The following TTN variants were observed in gnomAD, a reference collection of about 807,000 sequenced individuals.
The protein encoded by TTN is titin.
In TTN, 1,525 loss-of-function variants were observed where a neutral mutation model predicts 3,223.0. That is an observed-to-expected ratio of 0.47 (90% CI 0.45 to 0.49). The LOEUF is 0.49. TTN is among the 20% of genes least tolerant of loss of function. The probability of loss-of-function intolerance (pLI) is 0.00; values close to 1 mark genes in which losing one functional copy is unlikely to be tolerated. For synonymous variants in TTN, 14,094 were observed against 15,161.0 expected (o/e 0.93, Z 5.17); for missense variants, 40,786 against 43,424.0 (o/e 0.94, Z 5.40).
Position 178,732,849 on chromosome 2 carries a change from C to A in TTN, c.16327G>T (p.Ala5443Ser). 1.9e-6 allele frequency: 3 copies of A among 1,611,714 alleles called. No individual in the cohort carries two copies. The South Asian group carries it at 3.3e-5, about 18-fold the overall frequency. Residue 5443 changes from alanine to serine, a missense_variant, in exon 55 of 363, where the codon GCC becomes TCC. Transcript: ENST00000589042. ...NSVGSKDSSG[A>S]LIVQEPPSFV... ...TCCAGCCAACCTTGCACAATCAGGG[C>A]TCCACTGCTGTCTTTGCTTCCCACG...
At chr2:178,725,262 GATAA>G (rs1164824114) in intron 71 of TTN, 102 bp downstream of exon 71, 8 of 1,232,994 alleles carry the variant, frequency 6.5e-6, no homozygotes, top group African/African-American at 3.1e-5. Context: ...AATAGATGAG[GATAA>G]ATATAGTTCT....
At chr2:178,687,917 C>T (rs969158117) in intron 127 of TTN, among the ~76,000 whole-genome samples, 194 bp downstream of exon 127, 1 of 152,124 alleles carries the variant, frequency 6.6e-6, no homozygotes, top group Non-Finnish European at 1.5e-5. Context: ...AAGAAATACA[C>T]TGGATTTCTC....
At chr2:178,610,425 G>A in intron 270 of TTN, 36 bp from the exon 271 acceptor site, 2 of 1,594,340 alleles carry the variant, frequency 1.3e-6, no homozygotes, top group Non-Finnish European at 1.7e-6. Context: ...TAGTAATCCT[G>A]AAAAATCAGC....
rs370080086 is a variant in TTN at position 178,589,044 on chromosome 2, C to G, written c.62681G>C (p.Cys20894Ser). Residue 20894 changes from cysteine to serine, a missense_variant, in exon 304 of 363, where the codon TGT (cysteine) becomes TCT (serine). Transcript: ENST00000589042. ...CWDPPEDDGGCEIQNYILEKC... is the reference protein window; with the variant it reads ...CWDPPEDDGGSEIQNYILEKC... ...TTCTAGAATATAATTTTGGATTTCA[C>G]AGCCACCATCATCTTCTGGTGGATC... 6.2e-7 allele frequency: 1 copy of G among 1,609,318 alleles called. No individual in the cohort carries two copies.
chr2:178,768,574 T>A (rs2154341840), intron 38 of TTN, 99 bp downstream of exon 38: 1 of 1,547,942 alleles, frequency 6.5e-7, no homozygotes, highest in East Asian at 2.3e-5. Flanking sequence ...ATCGTATGGC[T>A]ATCCCACATT....
In TTN at chr2:178,670,240, C is replaced by T; in HGVS notation, c.35364G>A (p.Glu11788=). 6.7e-7 allele frequency: 1 copy of T among 1,492,388 alleles called. No individual in the cohort carries two copies. The highest frequency in any genetic ancestry group is 8.9e-7 in the Non-Finnish European group (1 of 1,126,478). 92.4% of individuals were successfully genotyped at this position (1,492,388 alleles called of 1,614,324 possible). Reference sequence around the variant, plus strand: ...TACCTTTAGTTGGTGGAACTCTGGGCTCTTCAGGAACACGTACTTTTTCTT... The same window carrying T: ...TACCTTTAGTTGGTGGAACTCTGGGTTCTTCAGGAACACGTACTTTTTCTT... ...VVEEKVRVPE[E]PRVPPTKAPE... is the part of the protein sequence containing the mutation. Residue 11788 remains glutamate (E), a synonymous_variant, in exon 157 of 363, where the codon GAG becomes GAA. Transcript: ENST00000589042.
At chr2:178,556,742 T>C in intron 330 of TTN, 106 bp downstream of exon 330, 1 of 1,352,424 alleles carries the variant, frequency 7.4e-7, no homozygotes. Flanking sequence ...AAAAACCCCA[T>C]TAAGGCACAG....
rs2078883928 is a variant in TTN, at chr2:178,723,907, C to T, written c.21352G>A (p.Ala7118Thr). ...SSDMGNYTCV[A>T]ANVAGSDECR... ...TCATCAGACCCAGCGACATTAGCAG[C>T]CACGCATGTGTAATTGCCCATATCT... is the stretch of plus-strand genomic sequence containing the variant. Residue 7118 changes from alanine (A) to threonine (T), a missense_variant, in exon 73 of 363, where the codon GCT becomes ACT. Transcript: ENST00000589042. The T allele has an allele frequency of 6.2e-7, 1 of 1,613,230 alleles. No individual in the cohort carries two copies. The highest frequency in any genetic ancestry group is 8.5e-7 in the Non-Finnish European group (1 of 1,179,476).
intron 147 of TTN, 125 bp downstream of exon 147, chr2:178,677,076 G>T: frequency 2.1e-6 from 1 of 478,952 alleles, no homozygotes; most frequent in Non-Finnish European, 3.1e-6. Flanking sequence ...AACATCGTTA[G>T]AAGTAAATAT....
chr2:178,768,598 CATT>C, intron 38 of TTN, 72 bp downstream of exon 38: 2 of 1,596,444 alleles, frequency 1.3e-6, no homozygotes, highest in Non-Finnish European at 1.7e-6. Flanking sequence ...TTTATCCATT[CATT>C]AATTGATACA....
rs543490348 is a variant in TTN, at chr2:178,704,529, G to A, written c.29943C>T (p.Ser9981=). The change falls in exon 105 of 363, where the codon AGC becomes AGT. Residue 9981 remains serine (S), a synonymous_variant. Coordinates refer to ENST00000589042, the MANE Select transcript of TTN (RefSeq NM_001267550.2). ...YRLVCGPHIA[S]AKLTVIEPAW... ...ACTTACCAATTACAGTTAGTTTAGC[G>A]CTAGCGATGTGTGGACCACAAACCA... 4.0e-5 allele frequency: 65 copies of A among 1,610,428 alleles called. 1 individual carries two copies. In the East Asian group the frequency reaches 9.6e-4, roughly 24 times the overall value.
intron 88 of TTN, 92 bp from the exon 89 acceptor site, chr2:178,715,866 G>A (rs1404027662): frequency 7.7e-7 from 1 of 1,302,542 alleles, no homozygotes; most frequent in South Asian, 1.6e-5. Flanking sequence ...TGCTAGAGAG[G>A]TCTTTAGCTC....
Position 178,720,114 on chromosome 2 carries a change from C to A in TTN, c.23528G>T (p.Arg7843Met). Residue 7843 changes from arginine (R) to methionine (M), a missense_variant, in exon 81 of 363, where the codon AGG becomes ATG. By Grantham distance (91) the Arg-to-Met change is moderately conservative (BLOSUM62 -1). Transcript: ENST00000589042. ...GEVIRESENT[R>M]ISFIDNIATL... ...TGCAATGTTATCAATGAATGAAATCCTGGTATTTTCACTCTCTCTGATGAC... is the reference window on the plus strand; with the variant it reads ...TGCAATGTTATCAATGAATGAAATCATGGTATTTTCACTCTCTCTGATGAC... The A allele has an allele frequency of 6.2e-7, 1 of 1,613,738 alleles. No individual in the cohort carries two copies. Among genetic ancestry groups the A allele is most frequent in the Non-Finnish European group, 8.5e-7 (1 of 1,179,698 alleles).
chr2:178,746,832 T>A, intron 47 of TTN: 1 of 1,613,414 alleles, frequency 6.2e-7, no homozygotes. Context: ...TTCCTTTTGG[T>A]CAGAGGTTCA....
rs749567305 is a variant in TTN at position 178,688,683 on chromosome 2, G to T, written c.32191C>A (p.His10731Asn). Reference protein sequence around the residue: ...AVPQRVEVTRHEVSAEEEWSY... With the variant: ...AVPQRVEVTRNEVSAEEEWSY... ...CTGACTTCCGATTATATACCTTCGT[G>T]CCGCGTGACTTCCACTCTTTGAGGA... is the stretch of plus-strand genomic sequence containing the variant. Residue 10731 changes from histidine to asparagine, a missense_variant, in exon 126 of 363, where the codon CAC becomes AAC. Coordinates refer to ENST00000589042, the MANE Select transcript of TTN (RefSeq NM_001267550.2). 3 of 1,611,024 alleles carry T rather than the reference G, an allele frequency of 1.9e-6. No homozygotes were observed. The highest frequency in any genetic ancestry group is 2.5e-6 in the Non-Finnish European group (3 of 1,177,208).
intron 336 of TTN, chr2:178,550,525 T>A (rs984800310): frequency 2.1e-6 from 1 of 479,700 alleles, no homozygotes; most frequent in Admixed American, 3.8e-5. Flanking sequence ...AAAAGGAAAG[T>A]GAAACATTTA....
Position 178,568,591 on chromosome 2 carries a change from G to C in TTN, c.77541C>G (p.Thr25847=), listed in dbSNP as rs556181023. The change falls in exon 326 of 363, where the codon ACC becomes ACG. Residue 25847 remains threonine (T), a synonymous_variant. Transcript: ENST00000589042. ...TGAGTGTGGTGAGATCCAGTGAATCGGTAACATTGATTCTTGTGGTCTGCT... is the reference window on the plus strand; with the variant it reads ...TGAGTGTGGTGAGATCCAGTGAATCCGTAACATTGATTCTTGTGGTCTGCT... ...PLKQTTRINV[T]DSLDLTTLSI... 1 of 1,613,242 alleles carries C rather than the reference G, an allele frequency of 6.2e-7. No individual in the cohort carries two copies. The highest frequency in any genetic ancestry group is 1.3e-5 in the African/African-American group (1 of 74,832).
chr2:178,725,566 C>A lies in TTN; in HGVS notation c.20638G>T (p.Ala6880Ser). ...PAELQASIEG[A>S]QPIFVQWLKE... ...AGCCACTGGACAAAAATAGGCTGGG[C>A]GCCTTCTATGGATGCTTGTAATTCA... The change falls in exon 71 of 363, where the codon GCC becomes TCC. Residue 6880 changes from alanine (A) to serine (S), a missense_variant. By Grantham distance (99) the Ala-to-Ser change is moderately conservative (BLOSUM62 1). Coordinates refer to ENST00000589042, the MANE Select transcript of TTN (RefSeq NM_001267550.2). The A allele has an allele frequency of 6.2e-7, 1 of 1,612,846 alleles. No homozygotes were observed. Among genetic ancestry groups the A allele is most frequent in the Non-Finnish European group, 8.5e-7 (1 of 1,179,294 alleles).
chr2:178,587,717 C>T lies in TTN; in HGVS notation c.63592G>A (p.Val21198Met). Residue 21198 changes from valine (V) to methionine (M), a missense_variant, in exon 306 of 363, where the codon GTG (valine) becomes ATG (methionine). Val to Met is a conservative substitution (Grantham distance 21). Coordinates refer to ENST00000589042, the MANE Select transcript of TTN (RefSeq NM_001267550.2). ...AGCPIRLFAI[V>M]RGRPAPKVTW... ...ACTTTAGGGGCTGGTCGTCCTCTCA[C>T]TATAGCAAAGAGACGAATAGGGCAT... 1 of 1,612,900 alleles carries T rather than the reference C, an allele frequency of 6.2e-7. No homozygotes were observed. The highest frequency in any genetic ancestry group is 8.5e-7 in the Non-Finnish European group (1 of 1,179,374).
Sources: allele counts gnomAD v4.1 joint callset (sites outside exome capture counted in the v4.1 genomes callset), GRCh38; gene constraint gnomAD v4.1.1; transcripts MANE v1.5; gene names NCBI Gene and HGNC (gene_info 2026-07-23, HGNC 2026-07-21).